Variants in STAC observed in about 807,000 individuals in gnomAD.
The protein encoded by STAC is SH3 and cysteine-rich domain-containing protein.
STAC carries 43 observed loss-of-function variants against 48.8 expected under a neutral mutation model. The ratio of observed to expected loss-of-function variants is 0.88; its 90% CI spans 0.69 to 1.14. STAC has a LOEUF of 1.14. Among genes scored for constraint, STAC ranks in the 50% most tolerant of loss-of-function variants. The pLI is 0.00. For synonymous variants in STAC, 193 were observed against 179.5 expected (o/e 1.07, Z -0.60); for missense variants, 497 against 504.0 (o/e 0.99, Z 0.13).
chr3:36,508,553 C>G (rs1698460150), intron 8 of STAC, among the ~76,000 whole-genome samples: 1 of 152,102 alleles, frequency 6.6e-6, no homozygotes, highest in Admixed American at 6.6e-5. Context: ...GTATGGGAGT[C>G]TAAGTCTCTC....
At chr3:36,503,291 A>G (rs895122856) in intron 6 of STAC, among the ~76,000 whole-genome samples, 3 of 152,222 alleles carry the variant, frequency 2.0e-5, no homozygotes, top group Admixed American at 1.3e-4. Flanking sequence ...TGATAAAGCT[A>G]TGACATAAGT....
chr3:36,404,307 C>T (rs989640384), intron 1 of STAC, among the ~76,000 whole-genome samples: 1 of 152,088 alleles, frequency 6.6e-6, no homozygotes, highest in Non-Finnish European at 1.5e-5. Context: ...TTCAGTCTAC[C>T]ATTCTTCTGA....
chr3:36,392,722 A>G (rs12631541), intron 1 of STAC, among the ~76,000 whole-genome samples: 28,910 of 151,920 alleles, frequency 0.19, 3,337 homozygotes, highest in Non-Finnish European at 0.24. Flanking sequence ...TGGTGGCCAG[A>G]GAGGCAGCCT....
intron 2 of STAC, among the ~76,000 whole-genome samples, chr3:36,460,485 C>G (rs547346422): frequency 3.9e-5 from 6 of 152,192 alleles, no homozygotes; most frequent in African/African-American, 1.4e-4. Context: ...TCTAATTGAA[C>G]TTTCTGTATT....
At chr3:36,460,721 A>G (rs1201123180) in intron 2 of STAC, among the ~76,000 whole-genome samples, 4 of 152,180 alleles carry the variant, frequency 2.6e-5, no homozygotes, top group Non-Finnish European at 4.4e-5. Flanking sequence ...ATGTGGATTA[A>G]AAAACATGCT....
intron 8 of STAC, among the ~76,000 whole-genome samples, chr3:36,523,255 CATT>C (rs1251036373): frequency 2.6e-5 from 4 of 152,190 alleles, no homozygotes; most frequent in Admixed American, 6.5e-5. Context: ...TCCTATAAAT[CATT>C]ATATAACTAA....
At chr3:36,448,902 C>CG (rs913343998) in intron 2 of STAC, among the ~76,000 whole-genome samples, 9 of 11,712 alleles carry the variant, frequency 7.7e-4, no homozygotes, top group African/African-American at 6.1e-3. Flanking sequence ...AAACAGTGAA[C>CG]CCCCCCCCCC....
chr3:36,545,919 A>G (rs1003734319), intron 10 of STAC, among the ~76,000 whole-genome samples: 14 of 152,244 alleles, frequency 9.2e-5, no homozygotes, highest in South Asian at 8.3e-4. Flanking sequence ...TCAGAGGGTC[A>G]CAGTACTATT....
intron 1 of STAC, among the ~76,000 whole-genome samples, chr3:36,409,112 A>G (rs1021330382): frequency 2.0e-5 from 3 of 152,188 alleles, no homozygotes; most frequent in Admixed American, 6.5e-5. Context: ...AAATTTGCAA[A>G]ATCAATTGCC....
intron 2 of STAC, among the ~76,000 whole-genome samples, chr3:36,477,839 C>G (rs1017853363): frequency 6.6e-6 from 1 of 152,078 alleles, no homozygotes; most frequent in Non-Finnish European, 1.5e-5. Context: ...ATGAGCTAGC[C>G]CCATGTTTTC....
chr3:36,408,613 T>C (rs868245336), intron 1 of STAC, among the ~76,000 whole-genome samples: 7 of 150,194 alleles, frequency 4.7e-5, no homozygotes, highest in African/African-American at 1.7e-4. Flanking sequence ...GGAAAAGGTT[T>C]TCTAGACTGA....
rs147542006 is a variant in STAC, at chr3:36,469,938, C to T, written c.389-13054C>T. 2.9e-4 allele frequency among the ~76,000 whole-genome samples: 44 copies of T among 152,158 alleles called. No homozygotes were observed. The East Asian group carries it at 8.3e-3, about 29-fold the overall frequency. ...AAGTTGTGATTGTTTTTCATTTATG[C>T]TACCTATTTCACTGAACAATTTTGC... On this transcript the variant is annotated intron_variant, in intron 2 of 10. Transcript: ENST00000273183.
intron 3 of STAC, among the ~76,000 whole-genome samples, 194 bp downstream of exon 3, chr3:36,483,286 C>T (rs76731519): frequency 0.017 from 2,590 of 152,316 alleles, 21 homozygotes; most frequent in Non-Finnish European, 0.021. Flanking sequence ...TCAACAATGC[C>T]CCACCTTGAA....
At chr3:36,517,872 C>T (rs1698712365) in intron 8 of STAC, among the ~76,000 whole-genome samples, 1 of 152,086 alleles carries the variant, frequency 6.6e-6, no homozygotes, top group African/African-American at 2.4e-5. Context: ...CACACACACA[C>T]ACATACATGC....
chr3:36,476,457 G>C (rs754836565), intron 2 of STAC, among the ~76,000 whole-genome samples: 2 of 152,150 alleles, frequency 1.3e-5, no homozygotes, highest in Admixed American at 1.3e-4. Context: ...CTCAAGAGGC[G>C]TGACCCAGCC....
intron 2 of STAC, among the ~76,000 whole-genome samples, chr3:36,446,936 G>A (rs1357864357): frequency 6.6e-6 from 1 of 152,158 alleles, no homozygotes; most frequent in African/African-American, 2.4e-5. Flanking sequence ...CATCCATTGG[G>A]GGAAATAATA....
chr3:36,447,564 C>G (rs1433110366), intron 2 of STAC, among the ~76,000 whole-genome samples: 1 of 151,788 alleles, frequency 6.6e-6, no homozygotes, highest in African/African-American at 2.4e-5. Context: ...GTTTTCTGAC[C>G]TATTCTGACC....
chr3:36,459,653 A>G (rs1696950847), intron 2 of STAC, among the ~76,000 whole-genome samples: 1 of 152,196 alleles, frequency 6.6e-6, no homozygotes. Context: ...TTTTCGTCAG[A>G]AACAGTATTT....
intron 2 of STAC, among the ~76,000 whole-genome samples, chr3:36,464,437 TTTAA>T (rs1186998586): frequency 6.6e-6 from 1 of 151,024 alleles, no homozygotes; most frequent in African/African-American, 2.4e-5. Context: ...TCAGATTATT[TTTAA>T]TTTATTTTTT....
Sources: gnomAD v4.1 joint callset for allele counts (sites outside exome capture counted in the v4.1 genomes callset) on GRCh38, gnomAD v4.1.1 for gene constraint, MANE v1.5 for transcripts, NCBI Gene and HGNC (gene_info 2026-07-23, HGNC 2026-07-21) for gene names.